CYP2D6: variants seen among roughly 807,000 people sequenced by gnomAD.
CYP2D6 encodes cytochrome P450 family 2 subfamily D member 6 (gene/pseudogene).
In CYP2D6, 51 loss-of-function variants were observed where a neutral mutation model predicts 43.5. The observed-to-expected ratio is 1.17, with a 90% CI of 0.94 to 1.48. The LOEUF (loss-of-function observed/expected upper bound fraction) is 1.48, where lower values mean the gene tolerates loss of function less well. CYP2D6 is among the 40% of genes most tolerant of loss of function. CYP2D6 has a pLI of 0.00. For missense variants in CYP2D6, 698 were observed against 688.0 expected (o/e 1.01, Z -0.16); for synonymous variants, 346 against 297.1 (o/e 1.16, Z -1.69).
chr22:42,129,362 C>G (rs1353152686), intron 2 of CYP2D6, 177 bp from the exon 3 acceptor site: 4 of 960,190 alleles, frequency 4.2e-6, no homozygotes, highest in Non-Finnish European at 6.4e-6. Context: ...GGGCTTTGCC[C>G]CACCTCGTCT....
chr22:42,129,444 G>T, intron 2 of CYP2D6: 1 of 743,936 alleles, frequency 1.3e-6, no homozygotes, highest in South Asian at 1.5e-5. Context: ...TGAGCTTACA[G>T]CACAGGTGCG....
chr22:42,129,225 A>G lies in CYP2D6; in HGVS notation c.353-40T>C, dbSNP rs370267861. The G allele has an allele frequency of 6.3e-6, 10 of 1,592,650 alleles. 1 individual carries two copies. Among genetic ancestry groups the G allele is most frequent in the South Asian group, 1.1e-5 (1 of 90,376 alleles). ...GGCACGTGCGCGTGGCCATGAAGGCATTAGCCCCACCATCCACCACCCACT... is the reference window on the plus strand; with the variant it reads ...GGCACGTGCGCGTGGCCATGAAGGCGTTAGCCCCACCATCCACCACCCACT... On this transcript the variant is annotated intron_variant, in intron 2 of 8. Transcript: ENST00000645361.
rs1285887918 is a variant in CYP2D6 at position 42,127,762 on chromosome 22, G to C, written c.985+80C>G. 4 of 1,579,408 alleles carry C rather than the reference G, an allele frequency of 2.5e-6. No homozygotes were observed. In the Admixed American group the frequency reaches 5.0e-5, roughly 20 times the overall value. ...TGGTCAAGCCTGTGCTTGGAGCCCC[G>C]GGTGTCCCAGCAAAGTTCATGGGCC... On this transcript the variant is annotated intron_variant, in intron 6 of 8. Transcript: ENST00000645361.
At chr22:42,129,620 C>T in intron 2 of CYP2D6, 118 bp downstream of exon 2, 2 of 1,377,896 alleles carry the variant, frequency 1.5e-6, no homozygotes, top group Non-Finnish European at 2.0e-6. Context: ...GGCCCGCTGT[C>T]CCCACTCGCT....
Position 42,128,733 on chromosome 22 carries a change from C to T in CYP2D6, c.666+51G>A, listed in dbSNP as rs772271059. The T allele has an allele frequency of 3.2e-6, 5 of 1,575,962 alleles. No individual in the cohort carries two copies. The Admixed American group carries it at 7.1e-5, about 22-fold the overall frequency. ...TTCCGAGGCCCCAGTCCAGCCCCGGCACCTCTCGGGAGCTCGCCCTGCAGA... is the reference window on the plus strand; with the variant it reads ...TTCCGAGGCCCCAGTCCAGCCCCGGTACCTCTCGGGAGCTCGCCCTGCAGA... On this transcript the variant is annotated intron_variant, in intron 4 of 8. Coordinates refer to ENST00000645361, the MANE Select transcript of CYP2D6 (RefSeq NM_000106.6).
chr22:42,129,134 G>A lies in CYP2D6; in HGVS notation c.404C>T (p.Ser135Phe), dbSNP rs781457579. 94 of 1,609,956 alleles carry A rather than the reference G, an allele frequency of 5.8e-5. 4 individuals are homozygous for A. The highest frequency in any genetic ancestry group is 3.4e-4 in the South Asian group (31 of 90,914). ...GPAWREQRRF[S>F]VSTLRNLGLG... ...GCCCAAGTTGCGCAAGGTGGACACG[G>A]AGAAGCGCCTCTGCTCGCGCCACGC... is the stretch of plus-strand genomic sequence containing the variant. Residue 135 changes from serine (S) to phenylalanine (F), a missense_variant, in exon 3 of 9, where the codon TCC (serine) becomes TTC (phenylalanine). Physicochemically the swap from Ser to Phe is radical, Grantham distance 155. Around this residue, in one of 5 missense-constraint regions of CYP2D6, gnomAD observed 588 missense variants for 521.1 expected, o/e 1.13. Transcript: ENST00000645361.
chr22:42,127,808 C>G (rs778008354), intron 6 of CYP2D6, 34 bp downstream of exon 6: 1 of 1,608,346 alleles, frequency 6.2e-7, no homozygotes, highest in African/African-American at 1.3e-5. Context: ...CCCTTCCTCC[C>G]TCGGCCCCTG....
Position 42,129,283 on chromosome 22 carries a change from C to T in CYP2D6, c.353-98G>A, listed in dbSNP as rs369508051. ...TATGCTCCCCCTGGTCTCCCGCAGT[C>T]CCTGGCTCTGTCCAGCTGGTCACAG... On this transcript the variant is annotated intron_variant, in intron 2 of 8. Transcript: ENST00000645361. 1.3e-4 allele frequency: 189 copies of T among 1,449,604 alleles called. 6 individuals carry two copies. In the East Asian group the frequency reaches 2.7e-3, roughly 21 times the overall value. 89.8% of individuals were successfully genotyped at this position (1,449,604 alleles called of 1,614,324 possible). A position where few individuals can be genotyped will look rare whatever the true frequency, so the allele number is the denominator to read the frequency against.
At chr22:42,128,999 G>A (rs1297428140) in intron 3 of CYP2D6, 34 bp downstream of exon 3, 2 of 1,594,880 alleles carry the variant, frequency 1.3e-6, no homozygotes, top group Admixed American at 1.7e-5. Flanking sequence ...CGCCTTCCCA[G>A]TTCCCGCTTT....
In CYP2D6 at chr22:42,129,304, C is replaced by G. The variant is rs1319735375; in HGVS notation, c.353-119G>C. ...CAGTCCCTGGCTCTGTCCAGCTGGT[C>G]ACAGGGCCCACTCTTTGTGCATCCA... On this transcript the variant is annotated intron_variant, in intron 2 of 8. Coordinates refer to ENST00000645361, the MANE Select transcript of CYP2D6 (RefSeq NM_000106.6). 10 of 1,285,814 alleles carry G rather than the reference C, an allele frequency of 7.8e-6. 1 individual carries two copies. Among genetic ancestry groups the G allele is most frequent in the Non-Finnish European group, 1.1e-5 (10 of 915,676 alleles). 79.7% of individuals were successfully genotyped at this position (1,285,814 alleles called of 1,614,324 possible).
At chr22:42,129,621 C>A in intron 2 of CYP2D6, 117 bp downstream of exon 2, 2 of 1,386,746 alleles carry the variant, frequency 1.4e-6, no homozygotes, top group Non-Finnish European at 2.0e-6. Flanking sequence ...GCCCGCTGTC[C>A]CCACTCGCTG....
In CYP2D6 at chr22:42,128,963, G is replaced by T. The variant is rs1931508889; in HGVS notation, c.506-19C>A. 1 of 1,582,996 alleles carries T rather than the reference G, an allele frequency of 6.3e-7. No homozygotes were observed. The highest frequency in any genetic ancestry group is 1.4e-5 in the African/African-American group (1 of 73,612). ...GGGCGTCCTGGGGGTGGGAGATGCG[G>T]GTAAGGGGTCGCCTTCCCCGTCCCC... On this transcript the variant is annotated intron_variant, in intron 3 of 8. Coordinates refer to ENST00000645361, the MANE Select transcript of CYP2D6 (RefSeq NM_000106.6).
intron 6 of CYP2D6, 83 bp from the exon 7 acceptor site, chr22:42,127,717 A>T (rs1191952358): frequency 1.3e-6 from 2 of 1,569,914 alleles, no homozygotes; most frequent in Non-Finnish European, 1.8e-6. Flanking sequence ...ATGTTGGAGG[A>T]GGTCAGGCTT....
intron 2 of CYP2D6, 124 bp downstream of exon 2, chr22:42,129,614 C>A: frequency 1.5e-6 from 2 of 1,336,834 alleles, no homozygotes; most frequent in Non-Finnish European, 2.1e-6. Context: ...TTTCTTGGCC[C>A]GCTGTCCCCA....
chr22:42,128,669 G>C, intron 4 of CYP2D6, 115 bp downstream of exon 4: 1 of 1,261,700 alleles, frequency 7.9e-7, no homozygotes, highest in Non-Finnish European at 1.1e-6. Context: ...GGGTCTCCTG[G>C]AATGTCCTTT....
chr22:42,129,823 C>G lies in CYP2D6; in HGVS notation c.267G>C (p.Glu89Asp). The G allele has an allele frequency of 1.2e-6, 2 of 1,601,336 alleles. No homozygotes were observed. Among genetic ancestry groups the G allele is most frequent in the Non-Finnish European group, 8.5e-7 (1 of 1,173,520 alleles). The change falls in exon 2 of 9, where the codon GAG (glutamate) becomes GAC (aspartate). Residue 89 changes from glutamate to aspartate, a missense_variant. Physicochemically the swap from Glu to Asp is conservative, Grantham distance 45. Coordinates refer to ENST00000645361, the MANE Select transcript of CYP2D6 (RefSeq NM_000106.6). The part of the protein sequence containing the change: ...VVLNGLAAVR[E>D]ALVTHGEDTA... ...TGTCCTCGCCGTGGGTCACCAGCGC[C>G]TCGCGCACGGCCGCCAGCCCATTGA...
intron 4 of CYP2D6, 138 bp downstream of exon 4, chr22:42,128,646 C>T: frequency 4.8e-6 from 5 of 1,047,808 alleles, no homozygotes; most frequent in Non-Finnish European, 5.7e-6. Context: ...TCCTCCAGGC[C>T]CTTCTTACAG....
In CYP2D6 at chr22:42,127,940, C is replaced by T. The variant is rs753611758; in HGVS notation, c.887G>A (p.Arg296His). The T allele has an allele frequency of 6.8e-6, 11 of 1,611,310 alleles. No homozygotes were observed. Among genetic ancestry groups the T allele is most frequent in the South Asian group, 5.5e-5 (5 of 90,926 alleles). Residue 296 changes from arginine (R) to histidine (H), a missense_variant, in exon 6 of 9, where the codon CGC (arginine) becomes CAC (histidine). Transcript: ENST00000645361. ...PESSFNDENL[R>H]IVVADLFSAG... ...AGAGAACAGGTCAGCCACCACTATG[C>T]GCAGGTTCTCATCATTGAAGCTGCT...
Position 42,129,074 on chromosome 22 carries a change from T to G in CYP2D6, c.464A>C (p.Glu155Ala), listed in dbSNP as rs374508604. The part of the protein sequence containing the change: ...GKKSLEQWVT[E>A]EAACLCAAFA... ...GGCGGCACAAAGGCAGGCGGCCTCCTCGGTCACCCACTGCTCCAGCGACTT... is the reference window on the plus strand; with the variant it reads ...GGCGGCACAAAGGCAGGCGGCCTCCGCGGTCACCCACTGCTCCAGCGACTT... The change falls in exon 3 of 9, where the codon GAG becomes GCG. Residue 155 changes from glutamate (E) to alanine (A), a missense_variant. Glu to Ala is a moderately radical substitution (Grantham distance 107). Around this residue, in one of 5 missense-constraint regions of CYP2D6, gnomAD observed 588 missense variants for 521.1 expected, o/e 1.13. Transcript: ENST00000645361. 2 of 1,609,168 alleles carry G rather than the reference T, an allele frequency of 1.2e-6. No individual in the cohort carries two copies. Among genetic ancestry groups the G allele is most frequent in the Non-Finnish European group, 1.7e-6 (2 of 1,177,468 alleles).
Sources: gnomAD v4.1 joint callset for allele counts on GRCh38, gnomAD v4.1.1 for gene constraint, gnomAD v4.1.1 regional missense constraint, MANE v1.5 for transcripts, NCBI Gene and HGNC (gene_info 2026-07-23, HGNC 2026-07-21) for gene names.